ARMH3: variants seen among roughly 807,000 people sequenced by gnomAD.
The protein encoded by ARMH3 is armadillo like helical domain containing 3.
ARMH3 carries 60 observed loss-of-function variants against 99.1 expected under a neutral mutation model. The ratio of observed to expected loss-of-function variants is 0.61; its 90% CI spans 0.49 to 0.75. ARMH3 has a LOEUF of 0.75. Ranked by LOEUF, ARMH3 falls within the 30% of genes least tolerant of loss-of-function variation. The pLI, the probability that ARMH3 is intolerant of heterozygous loss-of-function variation, is 0.00. For missense variants in ARMH3, 679 were observed against 843.1 expected, an observed-to-expected ratio of 0.81 and a Z score of 2.41; for synonymous variants, 285 against 292.8, an observed-to-expected ratio of 0.97 and a Z score of 0.27.
At chr10:101,864,934 G>A (rs1308076575) in intron 24 of ARMH3, among the ~76,000 whole-genome samples, 3 of 151,612 alleles carry the variant, frequency 2.0e-5, no homozygotes, top group Admixed American at 2.0e-4. Flanking sequence ...CCCTGACGCA[G>A]CTCAAAAAAA....
intron 23 of ARMH3, among the ~76,000 whole-genome samples, chr10:101,907,958 C>T (rs1842705678): frequency 6.6e-6 from 1 of 152,198 alleles, no homozygotes; most frequent in Non-Finnish European, 1.5e-5. Context: ...ATCCTCATCC[C>T]TTGCCTTACA....
intron 2 of ARMH3, among the ~76,000 whole-genome samples, chr10:102,033,984 T>C (rs1274450633): frequency 6.6e-6 from 1 of 152,216 alleles, no homozygotes; most frequent in Non-Finnish European, 1.5e-5. Context: ...TTTTCAAACC[T>C]ATTCACATAT....
At chr10:101,991,909 TTCA>T in intron 18 of ARMH3, 57 bp downstream of exon 18, 1 of 1,459,360 alleles carries the variant, frequency 6.9e-7, no homozygotes, top group Non-Finnish European at 9.6e-7. Context: ...ACTCTTCATC[TTCA>T]TCATGAAAGC....
At chr10:102,007,894 CAACA>C (rs2066541309) in intron 13 of ARMH3, among the ~76,000 whole-genome samples, 1 of 148,196 alleles carries the variant, frequency 6.7e-6, no homozygotes, top group African/African-American at 2.5e-5. Flanking sequence ...TCCTGTTCCA[CAACA>C]AACAAAAGTG....
At position 102,021,076 on chromosome 10, in the gene ARMH3, T is replaced by C. The variant is rs145159792; in HGVS notation, c.669+2401A>G. 2.6e-5 allele frequency among the ~76,000 whole-genome samples: 4 copies of C among 152,208 alleles called. No individual in the cohort carries two copies. In the East Asian group the frequency reaches 7.7e-4, roughly 29 times the overall value. On this transcript the variant is annotated intron_variant, in intron 8 of 25. Coordinates refer to ENST00000370033, the MANE Select transcript of ARMH3 (RefSeq NM_024541.3). ...CCATACCTTTTCTAGGTTTAGGTTT[T>C]GTGTGTGTGTTTGTTTTTGAGACAG...
chr10:102,046,012 T>C (rs1211528650), intron 1 of ARMH3, among the ~76,000 whole-genome samples: 1 of 152,014 alleles, frequency 6.6e-6, no homozygotes, highest in Non-Finnish European at 1.5e-5. Flanking sequence ...GGAGAATCGC[T>C]TGAAGTCAGG....
At chr10:102,024,644 C>G (rs1258523667) in intron 6 of ARMH3, among the ~76,000 whole-genome samples, 3 of 149,284 alleles carry the variant, frequency 2.0e-5, no homozygotes, top group Admixed American at 6.7e-5. Flanking sequence ...AACCCCATCT[C>G]TACTAAAAGT....
chr10:101,989,335 G>T (rs1017400389), intron 19 of ARMH3, among the ~76,000 whole-genome samples: 25 of 152,084 alleles, frequency 1.6e-4, no homozygotes, highest in African/African-American at 6.0e-4. Flanking sequence ...AGGAGTTGAA[G>T]ACCAGCCTGG....
intron 8 of ARMH3, among the ~76,000 whole-genome samples, chr10:102,021,856 T>A (rs951186715): frequency 6.6e-6 from 1 of 152,106 alleles, no homozygotes; most frequent in African/African-American, 2.4e-5. Flanking sequence ...AACCAGCTAA[T>A]TTTTAAATTT....
At chr10:101,991,858 C>G (rs1415487593) in intron 18 of ARMH3, 111 bp downstream of exon 18, 5 of 1,105,198 alleles carry the variant, frequency 4.5e-6, no homozygotes, top group Middle Eastern at 2.1e-4. Flanking sequence ...AAAAACACAA[C>G]TAATAATTTA....
chr10:102,023,858 TA>T, intron 6 of ARMH3, 109 bp from the exon 7 acceptor site: 1 of 1,037,338 alleles, frequency 9.6e-7, no homozygotes, highest in South Asian at 1.5e-5. Flanking sequence ...ATATTTCTAC[TA>T]GATAACTTAG....
At chr10:102,002,999 A>ATAAT (rs1340038656) in intron 14 of ARMH3, among the ~76,000 whole-genome samples, 1 of 151,630 alleles carries the variant, frequency 6.6e-6, no homozygotes, top group Non-Finnish European at 1.5e-5. Context: ...AAATAAATAA[A>ATAAT]TAAAAACAGA....
intron 14 of ARMH3, 152 bp from the exon 15 acceptor site, chr10:102,002,224 T>C (rs1590165469): frequency 2.5e-6 from 3 of 1,185,688 alleles, no homozygotes; most frequent in Non-Finnish European, 3.5e-6. Context: ...AAAACTTTTA[T>C]CTACTCTTCC....
At chr10:101,879,252 T>C (rs1480353796) in intron 24 of ARMH3, among the ~76,000 whole-genome samples, 3 of 152,226 alleles carry the variant, frequency 2.0e-5, no homozygotes, top group South Asian at 2.1e-4. Flanking sequence ...ACTCTATGGC[T>C]TTACCACTAA....
chr10:102,019,238 C>A (rs1166899269), intron 8 of ARMH3, among the ~76,000 whole-genome samples: 2 of 151,754 alleles, frequency 1.3e-5, no homozygotes, highest in East Asian at 3.9e-4. Flanking sequence ...TAGTAGAGAT[C>A]GGGTTTTGCC....
intron 2 of ARMH3, 86 bp downstream of exon 2, chr10:102,039,927 G>A: frequency 4.7e-6 from 6 of 1,272,204 alleles, no homozygotes; most frequent in Non-Finnish European, 6.8e-6. Flanking sequence ...GGAACCTGAA[G>A]GTAGCAGGCA....
chr10:102,013,158 C>A (rs962272597), intron 9 of ARMH3, among the ~76,000 whole-genome samples: 4 of 152,178 alleles, frequency 2.6e-5, no homozygotes, highest in African/African-American at 9.7e-5. Flanking sequence ...TCACTGGGAT[C>A]ATTTTCACTT....
intron 24 of ARMH3, among the ~76,000 whole-genome samples, chr10:101,850,464 G>T (rs534811101): frequency 1.4e-5 from 2 of 146,842 alleles, no homozygotes; most frequent in African/African-American, 5.1e-5. Flanking sequence ...TCACTCTGTC[G>T]CCCAGGCTGG....
At chr10:101,865,609 C>G (rs1355867882) in intron 24 of ARMH3, among the ~76,000 whole-genome samples, 1 of 152,118 alleles carries the variant, frequency 6.6e-6, no homozygotes, top group Non-Finnish European at 1.5e-5. Flanking sequence ...CTGCCTCAGC[C>G]TCCCAAGTAG....
Sources: allele counts gnomAD v4.1 joint callset (sites outside exome capture counted in the v4.1 genomes callset), GRCh38; gene constraint gnomAD v4.1.1; transcripts MANE v1.5; gene names NCBI Gene and HGNC (gene_info 2026-07-23, HGNC 2026-07-21).